Variants in DYRK1A observed in about 807,000 individuals in gnomAD.
DYRK1A encodes dual specificity tyrosine phosphorylation regulated kinase 1A.
DYRK1A carries 9 observed loss-of-function variants against 79.7 expected under a neutral mutation model. That is an observed-to-expected ratio of 0.11 (90% confidence interval 0.07 to 0.20). The LOEUF is 0.20. Among genes scored for constraint, DYRK1A ranks in the 10% least tolerant of loss-of-function variants. The pLI is 1.00. For missense variants in DYRK1A, 622 were observed against 956.0 expected (o/e 0.65, Z 4.61); for synonymous variants, 349 against 329.7 (o/e 1.06, Z -0.63).
At chr21:37,403,395 T>A (rs1243017597) in intron 1 of DYRK1A, among the ~76,000 whole-genome samples, 4 of 152,134 alleles carry the variant, frequency 2.6e-5, no homozygotes, top group South Asian at 2.1e-4. Flanking sequence ...GACTCCTTTT[T>A]CCCCCTTATT....
At chr21:37,392,523 C>T (rs1255100478) in intron 1 of DYRK1A, among the ~76,000 whole-genome samples, 2 of 152,208 alleles carry the variant, frequency 1.3e-5, no homozygotes, top group Non-Finnish European at 2.9e-5. Context: ...TATCAAGGCA[C>T]CAGCGGATTC....
At chr21:37,414,198 G>A (rs1375045904) in intron 1 of DYRK1A, among the ~76,000 whole-genome samples, 7 of 152,078 alleles carry the variant, frequency 4.6e-5, no homozygotes, top group African/African-American at 1.4e-4. Flanking sequence ...GGTGACACCC[G>A]TTACCCAAGA....
At chr21:37,464,924 A>G (rs1030022412) in intron 2 of DYRK1A, among the ~76,000 whole-genome samples, 1 of 152,234 alleles carries the variant, frequency 6.6e-6, no homozygotes, top group Non-Finnish European at 1.5e-5. Flanking sequence ...AGAAATACGC[A>G]TATTAGTTTT....
intron 2 of DYRK1A, among the ~76,000 whole-genome samples, chr21:37,463,186 TGTGTTTAATGTTGGCAC>T (rs1669862854): frequency 7.6e-6 from 1 of 131,170 alleles, no homozygotes; most frequent in Admixed American, 8.0e-5. Flanking sequence ...TGTGTGTGTG[TGTGTTTAATGTTGGCAC>T]GTGTGTGTGT....
chr21:37,414,816 G>A (rs2148418888), intron 1 of DYRK1A, among the ~76,000 whole-genome samples: 1 of 152,116 alleles, frequency 6.6e-6, no homozygotes, highest in South Asian at 2.1e-4. Context: ...TAGATAAACA[G>A]TTGATAGACT....
intron 1 of DYRK1A, among the ~76,000 whole-genome samples, chr21:37,414,607 A>G (rs1264865338): frequency 6.6e-6 from 1 of 152,156 alleles, no homozygotes; most frequent in Non-Finnish European, 1.5e-5. Flanking sequence ...TTTACATACT[A>G]CATACTAAAG....
At chr21:37,508,289 T>A (rs552128706) in intron 11 of DYRK1A, among the ~76,000 whole-genome samples, 1 of 152,260 alleles carries the variant, frequency 6.6e-6, no homozygotes, top group Non-Finnish European at 1.5e-5. Context: ...TTTTCCCTAC[T>A]TTTTTTCTCC....
Position 37,523,693 on chromosome 21 carries a change from G to C in DYRK1A, c.*11162G>C, listed in dbSNP as rs1569414971. 1.3e-5 allele frequency: 2 copies of C among 152,142 alleles called. No individual in the cohort carries two copies. Among genetic ancestry groups the C allele is most frequent in the South Asian group, 4.1e-4 (2 of 4,832 alleles). The allele number at this position is 152,142 out of a possible 1,614,324, so 9.4% of individuals were successfully genotyped here. ...GTTTTTGTATGGCTCACCAAACTAAGGGTGATTTTCACATTTTACATGGCT... is the reference window on the plus strand; with the variant it reads ...GTTTTTGTATGGCTCACCAAACTAACGGTGATTTTCACATTTTACATGGCT... On this transcript the variant is annotated 3_prime_UTR_variant, in exon 12 of 12. Coordinates refer to ENST00000647188, the MANE Select transcript of DYRK1A (RefSeq NM_001347721.2).
chr21:37,511,045 C>T (rs1401686271), intron 11 of DYRK1A, among the ~76,000 whole-genome samples: 3 of 152,142 alleles, frequency 2.0e-5, no homozygotes, highest in African/African-American at 4.8e-5. Context: ...CAAGAAATAA[C>T]ATTTCTAGGC....
At chr21:37,394,005 G>T (rs1461133456) in intron 1 of DYRK1A, among the ~76,000 whole-genome samples, 6 of 152,154 alleles carry the variant, frequency 3.9e-5, no homozygotes, top group African/African-American at 1.4e-4. Context: ...CCACAGGCCA[G>T]CCCAGATTCA....
intron 2 of DYRK1A, among the ~76,000 whole-genome samples, chr21:37,471,385 T>A (rs1250022475): frequency 6.6e-6 from 1 of 152,228 alleles, no homozygotes; most frequent in Non-Finnish European, 1.5e-5. Flanking sequence ...TGGGGAGCTT[T>A]GTTCTCTTTG....
intron 1 of DYRK1A, among the ~76,000 whole-genome samples, chr21:37,372,114 T>G (rs2148354529): frequency 6.6e-6 from 1 of 152,108 alleles, no homozygotes; most frequent in South Asian, 2.1e-4. Context: ...CATGTATGGT[T>G]AAGGCTTGCA....
chr21:37,448,968 G>C (rs1601122514), intron 2 of DYRK1A, among the ~76,000 whole-genome samples: 1 of 152,178 alleles, frequency 6.6e-6, no homozygotes, highest in Non-Finnish European at 1.5e-5. Context: ...AAAATGTTGG[G>C]ATTACAGGTG....
intron 9 of DYRK1A, among the ~76,000 whole-genome samples, chr21:37,498,714 T>C (rs1052095137): frequency 6.6e-6 from 1 of 152,174 alleles, no homozygotes; most frequent in Non-Finnish European, 1.5e-5. Flanking sequence ...AATTGCCAGG[T>C]CATGGGGTAT....
intron 1 of DYRK1A, 105 bp downstream of exon 1, chr21:37,367,733 T>TG (rs1345804028): frequency 7.2e-6 from 1 of 139,394 alleles, no homozygotes; most frequent in African/African-American, 2.7e-5. Context: ...GGGAGGGACC[T>TG]GCCATTTTAG....
intron 1 of DYRK1A, among the ~76,000 whole-genome samples, chr21:37,407,874 G>C (rs1181541889): frequency 6.6e-6 from 1 of 152,152 alleles, no homozygotes; most frequent in Non-Finnish European, 1.5e-5. Context: ...CTATTGCCCA[G>C]CTTGGCACTA....
intron 2 of DYRK1A, among the ~76,000 whole-genome samples, chr21:37,440,428 C>T (rs185984944): frequency 9.1e-4 from 139 of 152,114 alleles, no homozygotes; most frequent in Non-Finnish European, 1.5e-3. Flanking sequence ...TGAGCCACTG[C>T]GCCCAGCTTC....
At chr21:37,467,828 C>G (rs1404128327) in intron 2 of DYRK1A, among the ~76,000 whole-genome samples, 1 of 152,078 alleles carries the variant, frequency 6.6e-6, no homozygotes, top group Non-Finnish European at 1.5e-5. Context: ...TCTGTTACCT[C>G]CTTTTTAAAT....
intron 2 of DYRK1A, among the ~76,000 whole-genome samples, chr21:37,444,706 A>G (rs1314960282): frequency 2.0e-5 from 3 of 152,204 alleles, no homozygotes; most frequent in African/African-American, 7.2e-5. Flanking sequence ...ATGAGAAGTC[A>G]GGCATTTGGT....
Sources: allele counts gnomAD v4.1 joint callset (sites outside exome capture counted in the v4.1 genomes callset), GRCh38; gene constraint gnomAD v4.1.1; transcripts MANE v1.5; gene names NCBI Gene and HGNC (gene_info 2026-07-23, HGNC 2026-07-21).